NRG3: variants seen among roughly 807,000 people sequenced by gnomAD.
The protein encoded by NRG3 is pro-neuregulin-3, membrane-bound isoform.
Under a neutral mutation model 66.9 loss-of-function variants are expected in NRG3, and 31 were observed. That is an observed-to-expected ratio of 0.46 (90% CI 0.35 to 0.63). The LOEUF (loss-of-function observed/expected upper bound fraction) is 0.63, where lower values mean the gene tolerates loss of function less well. Ranked by LOEUF, NRG3 falls within the 20% of genes least tolerant of loss-of-function variation. The pLI is 0.00. For missense variants in NRG3, 910 were observed against 878.9 expected, an observed-to-expected ratio of 1.04 and a Z score of -0.45; for synonymous variants, 393 against 359.4, an observed-to-expected ratio of 1.09 and a Z score of -1.06.
chr10:82,569,364 T>C (rs930969505), intron 2 of NRG3, among the ~76,000 whole-genome samples: 1 of 151,762 alleles, frequency 6.6e-6, no homozygotes, highest in African/African-American at 2.4e-5. Flanking sequence ...GCTTAACCTA[T>C]TGGAATTTCA....
At chr10:82,331,212 G>A (rs750299458) in intron 1 of NRG3, among the ~76,000 whole-genome samples, 2 of 152,058 alleles carry the variant, frequency 1.3e-5, no homozygotes, top group Non-Finnish European at 2.9e-5. Flanking sequence ...CCTTTCACCT[G>A]TTGTCTTTTC....
chr10:81,898,918 C>T (rs1843770057), intron 1 of NRG3, among the ~76,000 whole-genome samples: 1 of 152,052 alleles, frequency 6.6e-6, no homozygotes, highest in South Asian at 2.1e-4. Flanking sequence ...AATAAATACA[C>T]CAAATTGTTA....
At chr10:82,500,575 A>G (rs1306605490) in intron 2 of NRG3, among the ~76,000 whole-genome samples, 1 of 152,166 alleles carries the variant, frequency 6.6e-6, no homozygotes, top group Non-Finnish European at 1.5e-5. Context: ...GATCATTCTA[A>G]CTTGCATCTG....
chr10:82,441,363 G>A (rs1055931383), intron 2 of NRG3, among the ~76,000 whole-genome samples: 5 of 152,226 alleles, frequency 3.3e-5, no homozygotes, highest in African/African-American at 1.2e-4. Flanking sequence ...GTGATGGAGG[G>A]AGGATGATTT....
chr10:82,386,463 T>C (rs1476503505), intron 2 of NRG3, among the ~76,000 whole-genome samples: 2 of 152,214 alleles, frequency 1.3e-5, no homozygotes, highest in African/African-American at 4.8e-5. Flanking sequence ...CTAGGTCTCA[T>C]TGTCATCATA....
chr10:82,038,677 T>C (rs2062901263), intron 1 of NRG3, among the ~76,000 whole-genome samples: 1 of 152,158 alleles, frequency 6.6e-6, no homozygotes, highest in Non-Finnish European at 1.5e-5. Context: ...GGCCAGAGCC[T>C]AGTGGTAGTT....
chr10:82,071,951 G>C (rs1407945992), intron 1 of NRG3, among the ~76,000 whole-genome samples: 1 of 152,126 alleles, frequency 6.6e-6, no homozygotes, highest in African/African-American at 2.4e-5. Context: ...TGATTCAAAA[G>C]TCAAAATTAT....
intron 7 of NRG3, among the ~76,000 whole-genome samples, chr10:82,975,538 T>C (rs1393665253): frequency 6.6e-6 from 1 of 152,200 alleles, no homozygotes; most frequent in African/African-American, 2.4e-5. Flanking sequence ...TTTGGATCAA[T>C]GACATTGCAG....
chr10:82,060,477 G>A (rs1021427930), intron 1 of NRG3, among the ~76,000 whole-genome samples: 4 of 152,170 alleles, frequency 2.6e-5, no homozygotes, highest in East Asian at 1.9e-4. Flanking sequence ...CCTAAGAGTA[G>A]TAATTTTGGT....
chr10:81,980,984 C>T (rs1741244412), intron 1 of NRG3, among the ~76,000 whole-genome samples: 1 of 119,760 alleles, frequency 8.4e-6, no homozygotes, highest in Non-Finnish European at 1.8e-5. Context: ...TAAATACAGT[C>T]ACATTCTGAG....
rs185759682 is a variant in NRG3 at position 82,156,936 on chromosome 10, G to A, written c.824-201803G>A. On this transcript the variant is annotated intron_variant, in intron 1 of 8. Transcript: ENST00000372141. ...TACATGGGGTTCCCATGGCAACAAT[G>A]GAGCTTATAATTTTTAATTTATTGC... 4.7e-4 allele frequency among the ~76,000 whole-genome samples: 71 copies of A among 151,694 alleles called. 1 individual carries two copies. The highest frequency in any genetic ancestry group is 1.7e-3 in the African/African-American group (71 of 41,502).
At chr10:82,846,057 C>A (rs2063295054) in intron 3 of NRG3, among the ~76,000 whole-genome samples, 1 of 152,092 alleles carries the variant, frequency 6.6e-6, no homozygotes, top group East Asian at 1.9e-4. Context: ...TTCAACATTA[C>A]CCCCGGAGAG....
intron 1 of NRG3, among the ~76,000 whole-genome samples, chr10:82,208,645 T>C (rs1330184974): frequency 6.6e-6 from 1 of 151,148 alleles, no homozygotes; most frequent in East Asian, 1.9e-4. Context: ...TTAAAACACG[T>C]ATGAGGGGAA....
chr10:81,998,623 T>C (rs2061039051), intron 1 of NRG3, among the ~76,000 whole-genome samples: 1 of 152,178 alleles, frequency 6.6e-6, no homozygotes, highest in African/African-American at 2.4e-5. Context: ...TGTAAAGGAA[T>C]AAATGATGCA....
At chr10:82,566,239 G>C (rs2045394608) in intron 2 of NRG3, among the ~76,000 whole-genome samples, 1 of 151,866 alleles carries the variant, frequency 6.6e-6, no homozygotes, top group Non-Finnish European at 1.5e-5. Context: ...TATTTTGTTT[G>C]TTTGCTTGTT....
At chr10:82,038,811 C>G (rs1273058446) in intron 1 of NRG3, among the ~76,000 whole-genome samples, 1 of 152,044 alleles carries the variant, frequency 6.6e-6, no homozygotes, top group African/African-American at 2.4e-5. Context: ...TTCTGTCTCT[C>G]CCAGTTCATC....
intron 2 of NRG3, among the ~76,000 whole-genome samples, chr10:82,543,849 A>G (rs1049083872): frequency 6.6e-6 from 1 of 152,182 alleles, no homozygotes; most frequent in Non-Finnish European, 1.5e-5. Context: ...TGGTAACTTC[A>G]TCTGGCTTAG....
chr10:82,220,168 T>C (rs1298235434), intron 1 of NRG3, among the ~76,000 whole-genome samples: 1 of 144,594 alleles, frequency 6.9e-6, no homozygotes, highest in Non-Finnish European at 1.5e-5. Context: ...TCTTCAATCA[T>C]GTGGGCATGT....
At chr10:82,941,082 G>T (rs1361956599) in intron 4 of NRG3, among the ~76,000 whole-genome samples, 1 of 152,072 alleles carries the variant, frequency 6.6e-6, no homozygotes, top group East Asian at 1.9e-4. Context: ...GTACCTCCTG[G>T]TCATCTCAGC....
Sources: allele counts gnomAD v4.1 joint callset (sites outside exome capture counted in the v4.1 genomes callset), GRCh38; gene constraint gnomAD v4.1.1; transcripts MANE v1.5; gene names NCBI Gene and HGNC (gene_info 2026-07-23, HGNC 2026-07-21).